The following HACD3 variants were observed in gnomAD, a reference collection of about 807,000 sequenced individuals.
HACD3 encodes the protein very-long-chain (3R)-3-hydroxyacyl-CoA dehydratase 3.
In HACD3, 30 loss-of-function variants were observed where a neutral mutation model predicts 55.2. The ratio of observed to expected loss-of-function variants is 0.54; its 90% CI spans 0.41 to 0.74. The LOEUF is 0.74. HACD3 is among the 30% of genes least tolerant of loss of function. The pLI, the probability that HACD3 is intolerant of heterozygous loss-of-function variation, is 0.00. For missense variants in HACD3, 363 were observed against 440.1 expected, an observed-to-expected ratio of 0.82 and a Z score of 1.57; for synonymous variants, 141 against 151.7, an observed-to-expected ratio of 0.93 and a Z score of 0.52.
chr15:65,539,898 T>G (rs2072003380), intron 1 of HACD3, among the ~76,000 whole-genome samples: 1 of 152,218 alleles, frequency 6.6e-6, no homozygotes, highest in Non-Finnish European at 1.5e-5. Context: ...CAAATCATAC[T>G]GTATATTGTG....
intron 6 of HACD3, 103 bp from the exon 7 acceptor site, chr15:65,564,112 C>T (rs2072269292): frequency 7.2e-7 from 1 of 1,388,726 alleles, no homozygotes; most frequent in African/African-American, 1.4e-5. Flanking sequence ...GTTTGTTATT[C>T]CTTTCTTACA....
Position 65,577,436 on chromosome 15 carries a change from AC to A in HACD3, c.*1059del. 1 of 151,684 alleles carries A rather than the reference AC, an allele frequency of 6.6e-6. No individual in the cohort carries two copies. Among genetic ancestry groups the A allele is most frequent in the Non-Finnish European group, 1.5e-5 (1 of 68,372 alleles). The allele number at this position is 151,684 out of a possible 1,614,324, so 9.4% of individuals were successfully genotyped here. ...AAGACCCTGTCTCAAACCAAACCAA[AC>A]CACACACACACAAACACACATACAC... On this transcript the variant is annotated 3_prime_UTR_variant, in exon 11 of 11. Transcript: ENST00000261875.
intron 10 of HACD3, among the ~76,000 whole-genome samples, chr15:65,575,159 C>T (rs1466628489): frequency 6.6e-6 from 1 of 150,846 alleles, no homozygotes; most frequent in African/African-American, 2.4e-5. Flanking sequence ...AGCCAGTTAA[C>T]ATTTGTATAT....
Position 65,557,417 on chromosome 15 carries a change from G to A in HACD3, c.369+514G>A, listed in dbSNP as rs8030139. Among the ~76,000 whole-genome samples the A allele has an allele frequency of 7.5e-3, 1,138 of 151,816 alleles. 15 individuals carry two copies. Among genetic ancestry groups the A allele is most frequent in the African/African-American group, 0.026 (1,081 of 41,352 alleles). ...GTGAACTCGGGAGGCGGGGCTTGCCGTGAGCCGAGATCACGCCACTGCACT... is the reference window on the plus strand; with the variant it reads ...GTGAACTCGGGAGGCGGGGCTTGCCATGAGCCGAGATCACGCCACTGCACT... On this transcript the variant is annotated intron_variant, in intron 4 of 10. Transcript: ENST00000261875.
At chr15:65,571,440 G>T (rs2072346592) in intron 8 of HACD3, 108 bp from the exon 9 acceptor site, 1 of 773,906 alleles carries the variant, frequency 1.3e-6, no homozygotes, top group South Asian at 1.7e-5. Flanking sequence ...CTGTTCTGAA[G>T]AAGCCATGTG....
chr15:65,540,837 C>A (rs395300), intron 1 of HACD3, among the ~76,000 whole-genome samples: 143,070 of 152,284 alleles, frequency 0.94, 67,216 homozygotes, highest in Admixed American at 0.96. Flanking sequence ...AAAGTGAACT[C>A]TAGAAAACCA....
At chr15:65,571,691 C>G (rs774414041) in intron 9 of HACD3, 37 bp downstream of exon 9, 2 of 1,492,536 alleles carry the variant, frequency 1.3e-6, no homozygotes, top group African/African-American at 2.8e-5. Context: ...TAGCTTAGCT[C>G]CAGGGGGTAC....
At chr15:65,560,770 T>A (rs1249968623) in intron 5 of HACD3, among the ~76,000 whole-genome samples, 1 of 149,914 alleles carries the variant, frequency 6.7e-6, no homozygotes, top group Non-Finnish European at 1.5e-5. Context: ...ACCACTGCAT[T>A]CTAACCTGGG....
chr15:65,566,242 CTCTG>C (rs1321167220), intron 7 of HACD3: 1 of 156,348 alleles, frequency 6.4e-6, no homozygotes, highest in Non-Finnish European at 1.4e-5. Context: ...CTGTTCCAAC[CTCTG>C]TCTGTTACCC....
At chr15:65,574,747 T>G (rs2072384687) in intron 10 of HACD3, among the ~76,000 whole-genome samples, 1 of 152,214 alleles carries the variant, frequency 6.6e-6, no homozygotes, top group African/African-American at 2.4e-5. Context: ...GCAAAGGGTA[T>G]AATCCATTTC....
chr15:65,576,251 G>T, intron 10 of HACD3, 52 bp from the exon 11 acceptor site: 1 of 1,544,548 alleles, frequency 6.5e-7, no homozygotes, highest in Non-Finnish European at 8.7e-7. Flanking sequence ...AGAGCTTCTG[G>T]TTATAAATAG....
rs555313180 is a variant in HACD3, at chr15:65,576,833, C to T, written c.*454C>T. On this transcript the variant is annotated 3_prime_UTR_variant, in exon 11 of 11. Coordinates refer to ENST00000261875, the MANE Select transcript of HACD3 (RefSeq NM_016395.4). ...TCAGGCAGGAATTAATTATTCTGTA[C>T]CTAAGGGGTTACTTGTTTAATGGGA... The T allele has an allele frequency of 6.4e-6, 1 of 156,076 alleles. No homozygotes were observed. The highest frequency in any genetic ancestry group is 2.0e-4 in the South Asian group (1 of 5,072). The allele number at this position is 156,076 out of a possible 1,614,324, so 9.7% of individuals were successfully genotyped here. A position where few individuals can be genotyped will look rare whatever the true frequency, so the allele number is the denominator to read the frequency against.
intron 2 of HACD3, among the ~76,000 whole-genome samples, chr15:65,554,583 G>T (rs1437901460): frequency 1.3e-5 from 2 of 152,064 alleles, no homozygotes; most frequent in African/African-American, 4.8e-5. Flanking sequence ...AGACCATCCT[G>T]GTTAACACGG....
chr15:65,546,533 C>A (rs376816679), intron 1 of HACD3, among the ~76,000 whole-genome samples: 68 of 152,242 alleles, frequency 4.5e-4, no homozygotes, highest in East Asian at 4.1e-3. Context: ...CCTAAAAAAA[C>A]CAAATATGAC....
At chr15:65,566,115 T>G (rs2141222401) in intron 7 of HACD3, 1 of 152,328 alleles carries the variant, frequency 6.6e-6, no homozygotes, top group East Asian at 1.9e-4. Context: ...TGAGACTACC[T>G]CAGCCTGGAC....
At chr15:65,553,948 A>G (rs1249589919) in intron 2 of HACD3, among the ~76,000 whole-genome samples, 2 of 152,182 alleles carry the variant, frequency 1.3e-5, no homozygotes, top group African/African-American at 4.8e-5. Context: ...AGGCATAGGG[A>G]TGGGGCATTG....
At chr15:65,570,949 A>G (rs1374079080) in intron 8 of HACD3, among the ~76,000 whole-genome samples, 4 of 152,218 alleles carry the variant, frequency 2.6e-5, no homozygotes, top group Non-Finnish European at 5.9e-5. Flanking sequence ...AAGGTAAAAC[A>G]GATTATAGGT....
chr15:65,541,897 A>AT (rs1260021076), intron 1 of HACD3, among the ~76,000 whole-genome samples: 1 of 152,150 alleles, frequency 6.6e-6, no homozygotes, highest in Non-Finnish European at 1.5e-5. Context: ...AAGAATGTAT[A>AT]TTGTATGCTA....
chr15:65,569,027 C>T (rs1312885413), intron 7 of HACD3, among the ~76,000 whole-genome samples: 1 of 151,810 alleles, frequency 6.6e-6, no homozygotes, highest in Non-Finnish European at 1.5e-5. Context: ...GCGGGTGGAT[C>T]ACAAGGTCAG....
Sources: gnomAD v4.1 joint callset for allele counts (sites outside exome capture counted in the v4.1 genomes callset) on GRCh38, gnomAD v4.1.1 for gene constraint, MANE v1.5 for transcripts, NCBI Gene and HGNC (gene_info 2026-07-23, HGNC 2026-07-21) for gene names.